Variants in ZFHX3 observed in about 807,000 individuals in gnomAD.
ZFHX3 encodes the protein zinc finger homeobox protein 3.
ZFHX3 carries 42 observed loss-of-function variants against 279.1 expected under a neutral mutation model. The observed-to-expected ratio is 0.15, with a 90% CI of 0.12 to 0.19. The LOEUF is 0.19. ZFHX3 is among the 10% of genes least tolerant of loss of function. The probability of loss-of-function intolerance (pLI) is 1.00; values close to 1 mark genes in which losing one functional copy is unlikely to be tolerated. For missense variants in ZFHX3, 4,981 were observed against 4,754.0 expected (o/e 1.05, Z -1.40); for synonymous variants, 2,293 against 1,957.8 (o/e 1.17, Z -4.52).
chr16:73,801,502 AAAG>A (rs1283878384), intron 1 of ZFHX3, among the ~76,000 whole-genome samples: 7 of 152,224 alleles, frequency 4.6e-5, no homozygotes, highest in Non-Finnish European at 1.0e-4. Context: ...ATAAACCAGG[AAAG>A]AATGGACTAG....
intron 5 of ZFHX3, among the ~76,000 whole-genome samples, chr16:73,197,265 C>A (rs998721074): frequency 6.6e-6 from 1 of 152,130 alleles, no homozygotes; most frequent in Non-Finnish European, 1.5e-5. Flanking sequence ...ATGTCATAAA[C>A]AATGGATAAT....
chr16:73,182,522 A>C (rs1488972535), intron 5 of ZFHX3, among the ~76,000 whole-genome samples: 2 of 152,134 alleles, frequency 1.3e-5, no homozygotes, highest in Admixed American at 6.5e-5. Context: ...CATCCGATCT[A>C]GCAATCCCAC....
At chr16:73,266,715 T>C (rs1253714084) in intron 4 of ZFHX3, among the ~76,000 whole-genome samples, 6 of 152,222 alleles carry the variant, frequency 3.9e-5, no homozygotes, top group African/African-American at 1.4e-4. Context: ...ATGGAGCTTT[T>C]CTGTGCTGTT....
chr16:73,002,652 C>A (rs1393139488), intron 1 of ZFHX3, among the ~76,000 whole-genome samples: 1 of 152,154 alleles, frequency 6.6e-6, no homozygotes, highest in Admixed American at 6.5e-5. Flanking sequence ...CAAACACATA[C>A]CATAGATGCT....
At chr16:73,342,029 C>T (rs2016041511) in intron 3 of ZFHX3, among the ~76,000 whole-genome samples, 1 of 152,060 alleles carries the variant, frequency 6.6e-6, no homozygotes, top group African/African-American at 2.4e-5. Flanking sequence ...TACTATAATT[C>T]ACTCAATTGT....
intron 2 of ZFHX3, among the ~76,000 whole-genome samples, chr16:73,668,418 C>T (rs1463734359): frequency 5.3e-5 from 8 of 152,114 alleles, no homozygotes; most frequent in Non-Finnish European, 7.4e-5. Context: ...AACCCATCAT[C>T]GACATTAGGT....
intron 1 of ZFHX3, among the ~76,000 whole-genome samples, chr16:73,711,878 A>G (rs1422719951): frequency 1.3e-5 from 2 of 152,106 alleles, no homozygotes; most frequent in East Asian, 3.9e-4. Context: ...CTCACAGCAA[A>G]TCTATAAAGG....
At chr16:73,462,560 G>A (rs1320187313) in intron 2 of ZFHX3, among the ~76,000 whole-genome samples, 1 of 152,058 alleles carries the variant, frequency 6.6e-6, no homozygotes, top group Non-Finnish European at 1.5e-5. Context: ...TTTTGTAGAT[G>A]CTCTTTATAA....
intron 2 of ZFHX3, among the ~76,000 whole-genome samples, chr16:73,649,771 C>T (rs1358817625): frequency 6.6e-6 from 1 of 152,068 alleles, no homozygotes; most frequent in Non-Finnish European, 1.5e-5. Flanking sequence ...GCTGGGCAAG[C>T]CTCAGGAATA....
chr16:73,353,783 G>T (rs1019899662), intron 3 of ZFHX3, among the ~76,000 whole-genome samples: 6 of 151,970 alleles, frequency 3.9e-5, no homozygotes, highest in African/African-American at 1.5e-4. Context: ...AAAGACATTT[G>T]GCATAAAGAA....
At chr16:73,172,616 A>G (rs946366740) in intron 5 of ZFHX3, among the ~76,000 whole-genome samples, 5 of 152,160 alleles carry the variant, frequency 3.3e-5, no homozygotes, top group African/African-American at 1.2e-4. Flanking sequence ...GCTGTTTTGC[A>G]TATTTACTGT....
chr16:73,356,175 G>A (rs1360724550), intron 3 of ZFHX3, among the ~76,000 whole-genome samples: 2 of 152,116 alleles, frequency 1.3e-5, no homozygotes, highest in African/African-American at 2.4e-5. Flanking sequence ...GTCACCCCCC[G>A]CCGACCATTG....
chr16:73,415,771 G>GGGTT (rs2017559677), intron 3 of ZFHX3, among the ~76,000 whole-genome samples: 1 of 152,132 alleles, frequency 6.6e-6, no homozygotes, highest in Non-Finnish European at 1.5e-5. Flanking sequence ...CCAGCTGCCT[G>GGGTT]TCATAGGATC....
At chr16:73,208,051 A>G (rs1456945737) in intron 5 of ZFHX3, among the ~76,000 whole-genome samples, 1 of 152,178 alleles carries the variant, frequency 6.6e-6, no homozygotes, top group Non-Finnish European at 1.5e-5. Flanking sequence ...TTGGATGACA[A>G]AAGCCTCCAA....
chr16:73,693,139 A>T (rs565175693), intron 1 of ZFHX3, among the ~76,000 whole-genome samples: 1 of 152,312 alleles, frequency 6.6e-6, no homozygotes, highest in African/African-American at 2.4e-5. Context: ...GACTTATACA[A>T]GGACAGAGAG....
intron 1 of ZFHX3, among the ~76,000 whole-genome samples, chr16:73,692,200 A>G (rs997936754): frequency 5.3e-5 from 8 of 152,152 alleles, no homozygotes; most frequent in South Asian, 2.1e-4. Context: ...TGACACTTCT[A>G]ATAAATAGAT....
chr16:73,489,346 C>T (rs1165584226), intron 2 of ZFHX3, among the ~76,000 whole-genome samples: 5 of 152,114 alleles, frequency 3.3e-5, no homozygotes, highest in South Asian at 2.1e-4. Flanking sequence ...AAGAACTGAA[C>T]GTTCATTAAA....
At position 73,268,965 on chromosome 16, in the gene ZFHX3, T is replaced by C. The variant is rs1269391513; in HGVS notation, c.-1193-11829A>G. 4.6e-5 allele frequency among the ~76,000 whole-genome samples: 7 copies of C among 152,294 alleles called. No individual in the cohort carries two copies. In the East Asian group the frequency reaches 1.4e-3, roughly 29 times the overall value. On this transcript the variant is annotated intron_variant, in intron 4 of 17. Coordinates refer to the ZFHX3 transcript ENST00000641206. ...CAGCAGTGCCCACCAATGGAGACTGTTCACAAGTCACTGCAGATGCAGTAC... is the reference window on the plus strand; with the variant it reads ...CAGCAGTGCCCACCAATGGAGACTGCTCACAAGTCACTGCAGATGCAGTAC...
chr16:72,989,832 G>C (rs1963006563), intron 1 of ZFHX3, among the ~76,000 whole-genome samples: 1 of 152,220 alleles, frequency 6.6e-6, no homozygotes, highest in Admixed American at 6.5e-5. Context: ...TGCGGACGCA[G>C]AGTTATATGT....
Sources: gnomAD v4.1 joint callset for allele counts (sites outside exome capture counted in the v4.1 genomes callset) on GRCh38, gnomAD v4.1.1 for gene constraint, MANE v1.5 for transcripts, NCBI Gene and HGNC (gene_info 2026-07-23, HGNC 2026-07-21) for gene names.